FGF14: variants seen among roughly 807,000 people sequenced by gnomAD.
The protein encoded by FGF14 is fibroblast growth factor 14.
A neutral mutation model predicts 25.5 loss-of-function variants in FGF14; 5 were observed. The ratio of observed to expected loss-of-function variants is 0.20; its 90% CI spans 0.10 to 0.41. The LOEUF (loss-of-function observed/expected upper bound fraction) is 0.41, where lower values mean the gene tolerates loss of function less well. FGF14 is among the 10% of genes least tolerant of loss of function. The pLI, the probability that FGF14 is intolerant of heterozygous loss-of-function variation, is 1.00. For synonymous variants in FGF14, 138 were observed against 118.3 expected, an observed-to-expected ratio of 1.17 and a Z score of -1.08; for missense variants, 222 against 320.1, an observed-to-expected ratio of 0.69 and a Z score of 2.34.
chr13:101,845,803 G>A (rs1278676427), intron 3 of FGF14, among the ~76,000 whole-genome samples: 1 of 152,006 alleles, frequency 6.6e-6, no homozygotes, highest in Non-Finnish European at 1.5e-5. Flanking sequence ...GGACTGGAAT[G>A]AATGGCTTCA....
intron 1 of FGF14, among the ~76,000 whole-genome samples, chr13:102,334,581 A>G (rs1045010913): frequency 2.0e-5 from 3 of 152,186 alleles, no homozygotes; most frequent in Admixed American, 2.0e-4. Context: ...CATTGCACCA[A>G]GATTTATGAT....
At chr13:102,090,089 C>G (rs1343833260) in intron 1 of FGF14, among the ~76,000 whole-genome samples, 1 of 152,038 alleles carries the variant, frequency 6.6e-6, no homozygotes, top group Non-Finnish European at 1.5e-5. Context: ...GAAAAACTAC[C>G]TAGATAAAAA....
intron 3 of FGF14, among the ~76,000 whole-genome samples, chr13:101,788,218 C>G (rs2039967599): frequency 6.6e-6 from 1 of 152,000 alleles, no homozygotes; most frequent in Non-Finnish European, 1.5e-5. Context: ...TAGGGCAGTT[C>G]TGCTAGCATG....
chr13:102,043,077 TTCTAGCAAATAGCATTAGTGCTGA>T (rs2041819228), intron 1 of FGF14, among the ~76,000 whole-genome samples: 1 of 152,224 alleles, frequency 6.6e-6, no homozygotes, highest in South Asian at 2.1e-4. Context: ...TATCTTTGCA[TTCTAGCAAATAGCATTAGTGCTGA>T]TCATAAAAAG....
chr13:102,009,526 AG>A (rs1197571878), intron 1 of FGF14, among the ~76,000 whole-genome samples: 10 of 152,172 alleles, frequency 6.6e-5, no homozygotes, highest in African/African-American at 1.7e-4. Context: ...GGAAATAAAA[AG>A]TTTAGTCAAA....
At chr13:102,067,695 TAAAG>T (rs1037384008) in intron 1 of FGF14, among the ~76,000 whole-genome samples, 1 of 150,350 alleles carries the variant, frequency 6.7e-6, no homozygotes, top group African/African-American at 2.5e-5. Flanking sequence ...TTACTGGCCT[TAAAG>T]AGGAGAGACA....
At chr13:101,808,180 G>C (rs764911478) in intron 3 of FGF14, among the ~76,000 whole-genome samples, 4 of 152,026 alleles carry the variant, frequency 2.6e-5, no homozygotes, top group African/African-American at 4.8e-5. Context: ...CATAGCTCAA[G>C]TGATTTGCAG....
chr13:101,922,602 C>T (rs2034078602), intron 1 of FGF14, among the ~76,000 whole-genome samples: 1 of 152,076 alleles, frequency 6.6e-6, no homozygotes, highest in African/African-American at 2.4e-5. Flanking sequence ...TAGAATTTGA[C>T]ACCAGATAAA....
intron 1 of FGF14, among the ~76,000 whole-genome samples, chr13:101,911,644 A>C (rs748942223): frequency 5.3e-5 from 8 of 152,256 alleles, no homozygotes; most frequent in Non-Finnish European, 1.0e-4. Flanking sequence ...TAATATTCTC[A>C]TAAGATTCCC....
intron 1 of FGF14, among the ~76,000 whole-genome samples, chr13:102,018,862 A>G (rs1264742048): frequency 6.6e-6 from 1 of 152,202 alleles, no homozygotes; most frequent in African/African-American, 2.4e-5. Flanking sequence ...GAACTTACAG[A>G]TTACCAGATA....
chr13:102,057,172 AATC>A (rs988745290), intron 1 of FGF14, among the ~76,000 whole-genome samples: 19 of 152,216 alleles, frequency 1.2e-4, no homozygotes, highest in Non-Finnish European at 2.2e-4. Flanking sequence ...TGAATTTTTT[AATC>A]ATATTATGAA....
At chr13:102,386,378 C>T (rs1021034948) in intron 1 of FGF14, among the ~76,000 whole-genome samples, 10 of 152,010 alleles carry the variant, frequency 6.6e-5, no homozygotes, top group South Asian at 2.1e-4. Flanking sequence ...GTGATCTGCC[C>T]GCCTCAGCCT....
Position 102,043,491 on chromosome 13 carries a change from G to C in FGF14, c.209-168195C>G, listed in dbSNP as rs181541939. Reference sequence around the variant, plus strand: ...AACAATTTGCTTCTTTTTTAGAAGGGCAAGTACTTGACAGTGGATGAAAGT... The same window carrying C: ...AACAATTTGCTTCTTTTTTAGAAGGCCAAGTACTTGACAGTGGATGAAAGT... On this transcript the variant is annotated intron_variant, in intron 1 of 4. Transcript: ENST00000376131. Among the ~76,000 whole-genome samples, 33 of 152,274 alleles carry C rather than the reference G, an allele frequency of 2.2e-4. No homozygotes were observed. The East Asian group carries it at 6.2e-3, about 29-fold the overall frequency.
At chr13:101,723,006 G>T (rs749752925) in intron 4 of FGF14, 39 bp from the exon 5 acceptor site, 3 of 1,612,350 alleles carry the variant, frequency 1.9e-6, no homozygotes, top group Admixed American at 1.7e-5. Context: ...AGCAAACATT[G>T]CTTGGTTAGG....
At chr13:102,363,889 A>G (rs890636841) in intron 1 of FGF14, among the ~76,000 whole-genome samples, 3 of 152,210 alleles carry the variant, frequency 2.0e-5, no homozygotes, top group African/African-American at 7.2e-5. Context: ...AGTGCCCTGC[A>G]GGATCCGGTC....
chr13:101,932,733 C>T (rs2139252884), intron 1 of FGF14, among the ~76,000 whole-genome samples: 1 of 146,462 alleles, frequency 6.8e-6, no homozygotes. Flanking sequence ...TTTGATAAAT[C>T]CCTCTCCCTT....
chr13:101,807,214 T>C lies in FGF14; in HGVS notation c.408+61511A>G, dbSNP rs562380514. On this transcript the variant is annotated intron_variant, in intron 3 of 4. Coordinates refer to ENST00000376143, the MANE Select transcript of FGF14 (RefSeq NM_004115.4). ...AAATTATATTTTTTTATCTATCAGT[T>C]TCTGGACATAATCACTACTCATTCC... Among the ~76,000 whole-genome samples, 323 of 152,256 alleles carry C rather than the reference T, an allele frequency of 2.1e-3. 2 individuals carry two copies. The highest frequency in any genetic ancestry group is 7.5e-3 in the African/African-American group (312 of 41,564).
At chr13:102,225,637 T>C (rs1408881050) in intron 1 of FGF14, among the ~76,000 whole-genome samples, 1 of 152,144 alleles carries the variant, frequency 6.6e-6, no homozygotes, top group Non-Finnish European at 1.5e-5. Context: ...TGAGTATACA[T>C]TAAAGGCAGA....
intron 1 of FGF14, chr13:102,292,476 T>C (rs922819724): frequency 6.6e-6 from 1 of 152,132 alleles, no homozygotes; most frequent in African/African-American, 2.4e-5. Context: ...TTTTTAAAGA[T>C]ATGTACATGG....
Sources: allele counts gnomAD v4.1 joint callset (sites outside exome capture counted in the v4.1 genomes callset), GRCh38; gene constraint gnomAD v4.1.1; transcripts MANE v1.5; gene names NCBI Gene and HGNC (gene_info 2026-07-23, HGNC 2026-07-21).